Variants in P2RX5 observed in about 807,000 individuals in gnomAD.
P2RX5 encodes purinergic receptor P2X 5.
P2RX5 carries 46 observed loss-of-function variants against 54.1 expected under a neutral mutation model. The ratio of observed to expected loss-of-function variants is 0.85; its 90% CI spans 0.67 to 1.09. P2RX5 has a LOEUF of 1.09. P2RX5 is among the 50% of genes least tolerant of loss of function. P2RX5 has a pLI of 0.00. For missense variants in P2RX5, 566 were observed against 549.8 expected (o/e 1.03, Z -0.29); for synonymous variants, 226 against 226.4 (o/e 1.00, Z 0.02).
intron 9 of P2RX5, among the ~76,000 whole-genome samples, chr17:3,685,096 C>T (rs900461928): frequency 2.6e-5 from 4 of 152,110 alleles, no homozygotes; most frequent in Non-Finnish European, 4.4e-5. Flanking sequence ...TCCGCCACCT[C>T]ACCCTCCCAA....
chr17:3,721,260 C>CTTTTTTT, the P2RX5 span, among the ~76,000 whole-genome samples: 5 of 46,216 alleles, frequency 1.1e-4, 1 homozygote, highest in East Asian at 5.5e-4. Flanking sequence ...GAGATTTTTC[C>CTTTTTTT]TTTTTTTTTT....
At chr17:3,682,974 C>G (rs1326370818) in intron 9 of P2RX5, 1 of 152,144 alleles carries the variant, frequency 6.6e-6, no homozygotes, top group Non-Finnish European at 1.5e-5. Context: ...TGCAGTGAGC[C>G]AAGATCGCAC....
chr17:3,717,141 C>T, the P2RX5 span: 9 of 228,328 alleles, frequency 3.9e-5, no homozygotes, highest in Non-Finnish European at 6.2e-5. Context: ...GCTGTCACGC[C>T]GCTACACTGC....
chr17:3,699,876 AGGAAGGAAGGAAGGAAGGAAGGAAGGAAG>A (rs2050804206), upstream of P2RX5, among the ~76,000 whole-genome samples: 4 of 35,624 alleles, frequency 1.1e-4, no homozygotes, highest in African/African-American at 2.7e-4. Context: ...AAAGAAAGAA[AGGAAGGAAGGAAGGAAGGAAGGAAGGAAG>A]GAAGGAAGGA....
chr17:3,688,883 AGACCACCCTCCAGGAGG>A, intron 7 of P2RX5, 124 bp from the exon 8 acceptor site: 3 of 1,048,334 alleles, frequency 2.9e-6, no homozygotes, highest in Non-Finnish European at 4.4e-6. Flanking sequence ...CAGCCCCTCG[AGACCACCCTCCAGGAGG>A]CTTAGTCCCC....
rs2050210824 is a variant in P2RX5, at chr17:3,680,145, GAGT to G, written c.1065-364_1065-362del. Among the ~76,000 whole-genome samples, 8 of 117,080 alleles carry G rather than the reference GAGT, an allele frequency of 6.8e-5. 1 individual carries two copies. The highest frequency in any genetic ancestry group is 1.4e-4 in the African/African-American group (4 of 28,320). The allele number at this position is 117,080 out of a possible 152,430, so 76.8% of individuals were successfully genotyped here. The stretch of plus-strand genomic sequence containing the variant: ...TCCTCCACCCTGCATCCTCCACCCT[GAGT>G]CCTCCATCCGGTGTCCTCCACCCTG... On this transcript the variant is annotated intron_variant, in intron 10 of 11. Coordinates refer to ENST00000225328, the MANE Select transcript of P2RX5 (RefSeq NM_002561.4).
chr17:3,703,078 G>T, the P2RX5 span, among the ~76,000 whole-genome samples: 6 of 152,056 alleles, frequency 3.9e-5, no homozygotes, highest in Non-Finnish European at 7.4e-5. Flanking sequence ...AGACTCTCCT[G>T]CCTCTGATCC....
At chr17:3,720,758 T>A in the P2RX5 span, 1 of 185,936 alleles carries the variant, frequency 5.4e-6, no homozygotes, top group South Asian at 8.4e-5. Flanking sequence ...AATTTTTGTA[T>A]TTTTAGTAGA....
At chr17:3,706,172 C>G in the P2RX5 span, among the ~76,000 whole-genome samples, 1 of 152,032 alleles carries the variant, frequency 6.6e-6, no homozygotes, top group Admixed American at 6.6e-5. Context: ...CCAGGACAGT[C>G]TCGATCTCCT....
the P2RX5 span, among the ~76,000 whole-genome samples, chr17:3,722,926 G>C: frequency 0.14 from 20,805 of 152,240 alleles, 4,746 homozygotes; most frequent in African/African-American, 0.47. Flanking sequence ...CAGGCCGAAG[G>C]TTATTGCAAC....
upstream of P2RX5, among the ~76,000 whole-genome samples, chr17:3,699,933 A>G (rs867311970): frequency 0.021 from 1,748 of 84,832 alleles, 10 homozygotes; most frequent in Middle Eastern, 0.03. Flanking sequence ...AAAGAAAGAA[A>G]GAAAGAAAGA....
At chr17:3,675,549 C>G (rs1166024307) in intron 11 of P2RX5, 2 of 982,964 alleles carry the variant, frequency 2.0e-6, no homozygotes, top group African/African-American at 3.5e-5. Context: ...TCACCTGGAT[C>G]TTCACTTTCT....
At chr17:3,700,368 AT>A (rs1282119555), upstream of P2RX5, among the ~76,000 whole-genome samples, 1 of 152,050 alleles carries the variant, frequency 6.6e-6, no homozygotes, top group South Asian at 2.1e-4. Context: ...CCCCCTCTCT[AT>A]GAAAAATACA....
upstream of P2RX5, among the ~76,000 whole-genome samples, chr17:3,699,913 GGAAGGAAA>G (rs1401913739): frequency 6.3e-4 from 27 of 42,866 alleles, no homozygotes; most frequent in African/African-American, 1.5e-3. Context: ...AAGGAAGGAA[GGAAGGAAA>G]GAAAGAAAGA....
chr17:3,690,818 G>T, intron 3 of P2RX5, 138 bp from the exon 4 acceptor site: 1 of 1,136,926 alleles, frequency 8.8e-7, no homozygotes, highest in Non-Finnish European at 1.3e-6. Flanking sequence ...CCCATATAAT[G>T]CAGGAACCAC....
At chr17:3,719,355 A>G in the P2RX5 span, among the ~76,000 whole-genome samples, 1 of 152,180 alleles carries the variant, frequency 6.6e-6, no homozygotes, top group Non-Finnish European at 1.5e-5. Context: ...CAGGGAGGAA[A>G]ACAGAGGACC....
At chr17:3,723,545 G>C in the P2RX5 span, 1 of 1,036,234 alleles carries the variant, frequency 9.7e-7, no homozygotes, top group Admixed American at 2.2e-5. Flanking sequence ...GAGCAATTGA[G>C]ACCCAGGGAC....
At chr17:3,677,420 G>A in intron 11 of P2RX5, 1 of 985,420 alleles carries the variant, frequency 1.0e-6, no homozygotes. Context: ...CCCAGGAGCT[G>A]GCTTCCCCAC....
intron 11 of P2RX5, among the ~76,000 whole-genome samples, chr17:3,674,265 C>T (rs150848): frequency 0.42 from 63,232 of 151,360 alleles, 13,870 homozygotes; most frequent in East Asian, 0.54. Flanking sequence ...GAGCCGAGAT[C>T]GCGCCACGGC....
Sources: gnomAD v4.1 joint callset for allele counts (sites outside exome capture counted in the v4.1 genomes callset) on GRCh38, gnomAD v4.1.1 for gene constraint, MANE v1.5 for transcripts, NCBI Gene and HGNC (gene_info 2026-07-23, HGNC 2026-07-21) for gene names.